The following MYO5A variants were observed in gnomAD, a reference collection of about 807,000 sequenced individuals.
MYO5A encodes unconventional myosin-Va.
MYO5A carries 98 observed loss-of-function variants against 249.7 expected under a neutral mutation model. That is an observed-to-expected ratio of 0.39 (90% CI 0.33 to 0.46). MYO5A has a LOEUF of 0.46. MYO5A is among the 20% of genes least tolerant of loss of function. The probability of loss-of-function intolerance (pLI) is 0.98; values close to 1 mark genes in which losing one functional copy is unlikely to be tolerated. For synonymous variants in MYO5A, 778 were observed against 810.6 expected (o/e 0.96, Z 0.68); for missense variants, 1,696 against 2,308.8 (o/e 0.73, Z 5.44).
intron 1 of MYO5A, among the ~76,000 whole-genome samples, chr15:52,511,901 C>T (rs975129243): frequency 1.3e-5 from 2 of 152,180 alleles, no homozygotes; most frequent in Admixed American, 6.5e-5. Context: ...CAGTGGCTCA[C>T]GCCTGTAATC....
chr15:52,454,061 T>C lies in MYO5A; in HGVS notation c.28-20776A>G, dbSNP rs541499893. Among the ~76,000 whole-genome samples the C allele has an allele frequency of 1.4e-4, 21 of 152,108 alleles. No homozygotes were observed. The East Asian group carries it at 3.9e-3, about 28-fold the overall frequency. On this transcript the variant is annotated intron_variant, in intron 1 of 41. Coordinates refer to ENST00000399233, the MANE Select transcript of MYO5A (RefSeq NM_001382347.1). Reference sequence around the variant, plus strand: ...GATAAAATTCTCCAATCAAAAAAGATATAGAGTGGCTAAATCAAAAAAGAA... The same window carrying C: ...GATAAAATTCTCCAATCAAAAAAGACATAGAGTGGCTAAATCAAAAAAGAA...
chr15:52,453,824 C>A (rs1478823977), intron 1 of MYO5A, among the ~76,000 whole-genome samples: 1 of 151,952 alleles, frequency 6.6e-6, no homozygotes, highest in East Asian at 1.9e-4. Flanking sequence ...AAGATGTTTT[C>A]TATAAGTCTC....
chr15:52,376,685 A>G, intron 18 of MYO5A, 127 bp from the exon 19 acceptor site: 1 of 855,554 alleles, frequency 1.2e-6, no homozygotes, highest in Non-Finnish European at 1.8e-6. Flanking sequence ...CTACATCACA[A>G]TTAACTAATG....
chr15:52,510,213 C>A (rs928357542), intron 1 of MYO5A, among the ~76,000 whole-genome samples: 1 of 152,144 alleles, frequency 6.6e-6, no homozygotes, highest in Non-Finnish European at 1.5e-5. Flanking sequence ...ACTTAGAAAA[C>A]TTTAACTGCT....
chr15:52,450,853 T>TTTTTTTTGTTTGTTTTTTG (rs1567138402), intron 1 of MYO5A, among the ~76,000 whole-genome samples: 1 of 146,952 alleles, frequency 6.8e-6, no homozygotes, highest in Non-Finnish European at 1.5e-5. Flanking sequence ...GTTTTTTTTT[T>TTTTTTTTGTTTGTTTTTTG]TTTTTTTTTT....
chr15:52,310,607 G>C lies in MYO5A; in HGVS notation c.*3089C>G, dbSNP rs1366264620. 8 of 152,340 alleles carry C rather than the reference G, an allele frequency of 5.3e-5. No homozygotes were observed. The highest frequency in any genetic ancestry group is 3.3e-4 in the Admixed American group (5 of 15,284). The allele number at this position is 152,340 out of a possible 1,614,324, so 9.4% of individuals were successfully genotyped here. A position where few individuals can be genotyped will look rare whatever the true frequency, so the allele number is the denominator to read the frequency against. On this transcript the variant is annotated 3_prime_UTR_variant, in exon 42 of 42. Transcript: ENST00000399233. The stretch of plus-strand genomic sequence containing the variant: ...CTGATGGTAAGCACCAGGAAGGCCA[G>C]CAGGGGCAACTGAGGACTGACTCCA...
At position 52,391,969 on chromosome 15, in the gene MYO5A, T is replaced by C; in HGVS notation, c.1503A>G (p.Ser501=). 1 of 1,613,112 alleles carries C rather than the reference T, an allele frequency of 6.2e-7. No homozygotes were observed. The highest frequency in any genetic ancestry group is 8.5e-7 in the Non-Finnish European group (1 of 1,179,406). Reference sequence around the variant, plus strand: ...CCAGTAAATCTAGAATGCCTAGTTTTGATTCTATAAGATTAATACAAGGCT... The same window carrying C: ...CCAGTAAATCTAGAATGCCTAGTTTCGATTCTATAAGATTAATACAAGGCT... ...DNQPCINLIE[S]KLGILDLLDE... Residue 501 remains serine (S), a synonymous_variant, in exon 12 of 42, where the codon TCA becomes TCG. Coordinates refer to ENST00000399233, the MANE Select transcript of MYO5A (RefSeq NM_001382347.1).
At chr15:52,365,713 T>C (rs187792888) in intron 23 of MYO5A, among the ~76,000 whole-genome samples, 3 of 152,348 alleles carry the variant, frequency 2.0e-5, no homozygotes, top group Admixed American at 2.0e-4. Flanking sequence ...AATGAATGAA[T>C]GAAAGAATTT....
At chr15:52,318,419 G>A (rs1299559633) in intron 39 of MYO5A, among the ~76,000 whole-genome samples, 2 of 127,854 alleles carry the variant, frequency 1.6e-5, no homozygotes, top group South Asian at 2.4e-4. Context: ...TGGCGCCATT[G>A]CACTCCAGCC....
At chr15:52,438,946 C>A (rs942190608) in intron 1 of MYO5A, among the ~76,000 whole-genome samples, 1 of 152,368 alleles carries the variant, frequency 6.6e-6, no homozygotes, top group East Asian at 1.9e-4. Flanking sequence ...TACTCCTGAT[C>A]CAGCTAGGCG....
At chr15:52,395,232 T>C (rs760740941) in intron 11 of MYO5A, among the ~76,000 whole-genome samples, 1 of 152,198 alleles carries the variant, frequency 6.6e-6, no homozygotes, top group Non-Finnish European at 1.5e-5. Flanking sequence ...CACCTAGTGA[T>C]TTCGTTATGA....
chr15:52,442,866 T>C (rs539176831), intron 1 of MYO5A, among the ~76,000 whole-genome samples: 1 of 151,920 alleles, frequency 6.6e-6, no homozygotes, highest in African/African-American at 2.4e-5. Context: ...AGCGATTCTC[T>C]TCCCTCAGCC....
intron 4 of MYO5A, among the ~76,000 whole-genome samples, chr15:52,420,315 A>T (rs2043727288): frequency 6.6e-6 from 1 of 152,000 alleles, no homozygotes; most frequent in Admixed American, 6.6e-5. Flanking sequence ...ACAAAAAAAA[A>T]AAAAAAAGGT....
intron 25 of MYO5A, among the ~76,000 whole-genome samples, chr15:52,354,860 A>AG (rs1215591975): frequency 1.3e-5 from 2 of 152,206 alleles, no homozygotes; most frequent in East Asian, 3.9e-4. Context: ...TCTCACAAAA[A>AG]AAAAAAAAAA....
chr15:52,438,345 C>T (rs924716818), intron 1 of MYO5A, among the ~76,000 whole-genome samples: 10 of 152,166 alleles, frequency 6.6e-5, no homozygotes, highest in Middle Eastern at 3.2e-3. Context: ...CAGTGTGAGT[C>T]GGGCAGGAAT....
intron 29 of MYO5A, 84 bp from the exon 30 acceptor site, chr15:52,346,545 G>A (rs1424641065): frequency 3.5e-6 from 3 of 860,098 alleles, no homozygotes; most frequent in African/African-American, 1.7e-5. Context: ...TATAACTGGG[G>A]GGCAGTGGTT....
intron 24 of MYO5A, among the ~76,000 whole-genome samples, chr15:52,362,730 G>T (rs1478214112): frequency 6.6e-6 from 1 of 152,204 alleles, no homozygotes; most frequent in Admixed American, 6.5e-5. Context: ...GGAACAGATG[G>T]AGAGCAGGCA....
chr15:52,458,144 G>A (rs1194132090), intron 1 of MYO5A, among the ~76,000 whole-genome samples: 4 of 152,210 alleles, frequency 2.6e-5, no homozygotes, highest in Non-Finnish European at 4.4e-5. Context: ...GTTAGTTAAT[G>A]GGTACAAACA....
At chr15:52,413,340 C>T (rs1391067155) in intron 5 of MYO5A, among the ~76,000 whole-genome samples, 1 of 151,718 alleles carries the variant, frequency 6.6e-6, no homozygotes, top group African/African-American at 2.4e-5. Flanking sequence ...TGTGCTATTC[C>T]CATCTTATGA....
Sources: gnomAD v4.1 joint callset for allele counts (sites outside exome capture counted in the v4.1 genomes callset) on GRCh38, gnomAD v4.1.1 for gene constraint, MANE v1.5 for transcripts, NCBI Gene and HGNC (gene_info 2026-07-23, HGNC 2026-07-21) for gene names.